Variants in TAFA5 observed in about 807,000 individuals in gnomAD.
TAFA5 encodes chemokine-like protein TAFA-5.
Under a neutral mutation model 15.3 loss-of-function variants are expected in TAFA5, and 6 were observed. The ratio of observed to expected loss-of-function variants is 0.39; its 90% CI spans 0.21 to 0.77. The LOEUF (loss-of-function observed/expected upper bound fraction) is 0.77, where lower values mean the gene tolerates loss of function less well. Among genes scored for constraint, TAFA5 ranks in the 30% least tolerant of loss-of-function variants. The pLI is 0.41. For missense variants in TAFA5, 161 were observed against 193.1 expected (o/e 0.83, Z 0.98); for synonymous variants, 103 against 80.7 (o/e 1.28, Z -1.48).
intron 1 of TAFA5, chr22:48,576,458 G>A: frequency 1.4e-6 from 2 of 1,396,510 alleles, no homozygotes; most frequent in Non-Finnish European, 1.9e-6. Context: ...CTTCGGGGGC[G>A]TCGGCCGAGT....
At position 48,554,524 on chromosome 22, in the gene TAFA5, T is replaced by C. The variant is rs1369751233; in HGVS notation, c.112+64820T>C. 2.0e-5 allele frequency among the ~76,000 whole-genome samples: 3 copies of C among 152,292 alleles called. No individual in the cohort carries two copies. The East Asian group carries it at 5.8e-4, about 29-fold the overall frequency. ...TTTGGAAATTCTGGAAAGGAGGGTA[T>C]TATGGATTTCAAAGAATGAGACTGA... On this transcript the variant is annotated intron_variant, in intron 1 of 3. Transcript: ENST00000402357.
chr22:48,618,879 C>T (rs1925708206), intron 1 of TAFA5, among the ~76,000 whole-genome samples: 1 of 152,150 alleles, frequency 6.6e-6, no homozygotes, highest in Non-Finnish European at 1.5e-5. Flanking sequence ...TCCCCATAGG[C>T]CCCCCTCGCC....
chr22:48,690,252 C>A (rs1256273270), intron 2 of TAFA5, among the ~76,000 whole-genome samples: 1 of 152,184 alleles, frequency 6.6e-6, no homozygotes, highest in Non-Finnish European at 1.5e-5. Flanking sequence ...CACACAATGA[C>A]CCCTTGGCCC....
chr22:48,601,905 C>T (rs2147165885), intron 1 of TAFA5, among the ~76,000 whole-genome samples: 2 of 152,344 alleles, frequency 1.3e-5, no homozygotes, highest in Admixed American at 1.3e-4. Context: ...CAGTCGCACA[C>T]CATTCTGTCC....
At chr22:48,546,161 C>T (rs967944681) in intron 1 of TAFA5, among the ~76,000 whole-genome samples, 3 of 152,200 alleles carry the variant, frequency 2.0e-5, no homozygotes, top group African/African-American at 7.2e-5. Flanking sequence ...CCCTTCAGCC[C>T]GGAAGAAGCG....
chr22:48,699,870 C>G (rs130122), intron 2 of TAFA5, among the ~76,000 whole-genome samples: 94,008 of 152,048 alleles, frequency 0.62, 29,841 homozygotes, highest in African/African-American at 0.77. Context: ...GAAGCACACA[C>G]AGTGTGGCCC....
intron 2 of TAFA5, chr22:48,693,232 C>T: frequency 1.3e-6 from 2 of 1,482,840 alleles, no homozygotes; most frequent in South Asian, 1.2e-5. Flanking sequence ...AGCAGCCTGG[C>T]AGGATGAGTC....
At chr22:48,525,274 TG>T (rs887407678) in intron 1 of TAFA5, among the ~76,000 whole-genome samples, 2 of 152,138 alleles carry the variant, frequency 1.3e-5, no homozygotes, top group Non-Finnish European at 2.9e-5. Context: ...ATGCTCCCCA[TG>T]GGGGGTCCCA....
At chr22:48,504,593 CAG>C (rs139693962) in intron 1 of TAFA5, among the ~76,000 whole-genome samples, 3,350 of 152,230 alleles carry the variant, frequency 0.022, 121 homozygotes, top group African/African-American at 0.076. Context: ...GGGAAGGACA[CAG>C]AGCTTCACAG....
chr22:48,636,549 C>T (rs532398493), intron 1 of TAFA5, among the ~76,000 whole-genome samples: 1 of 150,800 alleles, frequency 6.6e-6, no homozygotes, highest in Non-Finnish European at 1.5e-5. Flanking sequence ...CTGTGTGGGT[C>T]GCTCCGAGTG....
At chr22:48,693,454 A>T in intron 2 of TAFA5, 1 of 1,597,512 alleles carries the variant, frequency 6.3e-7, no homozygotes, top group Non-Finnish European at 8.5e-7. Flanking sequence ...ACTCTTGCAG[A>T]TGGCTGTGAC....
At chr22:48,576,523 C>A in intron 1 of TAFA5, 1 of 1,515,492 alleles carries the variant, frequency 6.6e-7, no homozygotes, top group Non-Finnish European at 8.9e-7. Flanking sequence ...AGGGGCCGCG[C>A]TCTGCTGCTT....
chr22:48,519,827 C>T (rs1921541800), intron 1 of TAFA5, among the ~76,000 whole-genome samples: 1 of 152,208 alleles, frequency 6.6e-6, no homozygotes, highest in South Asian at 2.1e-4. Flanking sequence ...TTGGACCAGT[C>T]ACCTAACCTC....
At chr22:48,524,941 G>A (rs893252642) in intron 1 of TAFA5, among the ~76,000 whole-genome samples, 11 of 152,094 alleles carry the variant, frequency 7.2e-5, no homozygotes, top group Admixed American at 7.2e-4. Flanking sequence ...GTTGAGCCAG[G>A]TGTATGTGCC....
chr22:48,623,743 G>A (rs546539882), intron 1 of TAFA5, among the ~76,000 whole-genome samples: 2 of 152,348 alleles, frequency 1.3e-5, no homozygotes, highest in East Asian at 1.9e-4. Flanking sequence ...CACGGTGCAC[G>A]TCAGAAAGCC....
intron 3 of TAFA5, among the ~76,000 whole-genome samples, chr22:48,740,617 G>T (rs758312839): frequency 6.6e-6 from 1 of 152,178 alleles, no homozygotes; most frequent in Non-Finnish European, 1.5e-5. Context: ...GTCCAGCACC[G>T]TCACTGGCCC....
At chr22:48,664,828 G>C (rs527995112) in intron 2 of TAFA5, among the ~76,000 whole-genome samples, 2 of 152,282 alleles carry the variant, frequency 1.3e-5, no homozygotes, top group Admixed American at 1.3e-4. Flanking sequence ...CCATCTATCT[G>C]TCTGTGCCAA....
In TAFA5 at chr22:48,552,960, G is replaced by A. The variant is rs2007804; in HGVS notation, c.112+63256G>A. 0.6 allele frequency among the ~76,000 whole-genome samples: 90,791 copies of A among 151,726 alleles called. 28,359 individuals are homozygous for A. Among genetic ancestry groups the A allele is most frequent in the Middle Eastern group, 0.72 (209 of 290 alleles). On this transcript the variant is annotated intron_variant, in intron 1 of 3. Transcript: ENST00000402357. This position sits in a 1 kb window ranked among gnomAD's most constrained non-coding sequence, Gnocchi z 4.1. ...CAGACCTGGGGCTGATCTGAGGGGG[G>A]CTCGTCCCCAACCACCTGGTCACAG...
intron 2 of TAFA5, among the ~76,000 whole-genome samples, chr22:48,665,821 T>C (rs1050468519): frequency 6.6e-6 from 1 of 151,770 alleles, no homozygotes; most frequent in African/African-American, 2.4e-5. Flanking sequence ...GCAGGCGCCC[T>C]CCCGAGAACG....
Sources: allele counts gnomAD v4.1 joint callset (sites outside exome capture counted in the v4.1 genomes callset), GRCh38; gene constraint gnomAD v4.1.1; non-coding constraint Gnocchi (gnomAD v3.1); transcripts MANE v1.5; gene names NCBI Gene and HGNC (gene_info 2026-07-23, HGNC 2026-07-21).